Variants in MED13L observed in about 807,000 individuals in gnomAD.
MED13L encodes mediator of RNA polymerase II transcription subunit 13-like.
A neutral mutation model predicts 220.9 loss-of-function variants in MED13L; 7 were observed. The ratio of observed to expected loss-of-function variants is 0.03; its 90% CI spans 0.02 to 0.06. The LOEUF (loss-of-function observed/expected upper bound fraction) is 0.06. Ranked by LOEUF, MED13L falls within the 10% of genes least tolerant of loss-of-function variation. MED13L has a pLI of 1.00. For missense variants in MED13L, 1,965 were observed against 2,760.5 expected, an observed-to-expected ratio of 0.71 and a Z score of 6.46; for synonymous variants, 1,011 against 1,015.2, an observed-to-expected ratio of 1.00 and a Z score of 0.08.
At chr12:116,124,754 A>C (rs1042754187) in intron 2 of MED13L, among the ~76,000 whole-genome samples, 4 of 152,210 alleles carry the variant, frequency 2.6e-5, no homozygotes, top group African/African-American at 9.7e-5. Flanking sequence ...AAAAGTCATA[A>C]GCCACATTAT....
At chr12:116,205,939 CTTGT>C (rs920408500) in intron 2 of MED13L, among the ~76,000 whole-genome samples, 2 of 107,496 alleles carry the variant, frequency 1.9e-5, no homozygotes, top group African/African-American at 8.9e-5. Context: ...TAACTAAAAA[CTTGT>C]TTTTTTTTTT....
chr12:116,119,370 G>A (rs1413940372), intron 2 of MED13L, among the ~76,000 whole-genome samples: 2 of 152,278 alleles, frequency 1.3e-5, no homozygotes, highest in African/African-American at 2.4e-5. Context: ...ACAGCATCTA[G>A]TGCTTGGTGG....
intron 1 of MED13L, among the ~76,000 whole-genome samples, chr12:116,239,657 T>A (rs527892877): frequency 6.6e-6 from 1 of 152,360 alleles, no homozygotes; most frequent in Admixed American, 6.5e-5. Context: ...AACACTGTTA[T>A]TTTCCTGATT....
intron 2 of MED13L, among the ~76,000 whole-genome samples, chr12:116,185,536 T>C (rs1416297119): frequency 2.0e-5 from 3 of 152,128 alleles, no homozygotes; most frequent in African/African-American, 7.2e-5. Flanking sequence ...GAATCCAAAA[T>C]TCCTTAGCAT....
intron 9 of MED13L, among the ~76,000 whole-genome samples, chr12:116,012,146 G>T (rs1879450468): frequency 6.6e-6 from 1 of 152,108 alleles, no homozygotes; most frequent in Non-Finnish European, 1.5e-5. Context: ...AATGAGCTGG[G>T]GGTTAAGACT....
intron 4 of MED13L, among the ~76,000 whole-genome samples, chr12:116,059,805 A>G (rs1012749790): frequency 6.6e-6 from 1 of 152,082 alleles, no homozygotes; most frequent in Non-Finnish European, 1.5e-5. Flanking sequence ...ATTAAATTTA[A>G]TTAATATTTG....
At chr12:115,968,503 C>T (rs566145603) in intron 28 of MED13L, among the ~76,000 whole-genome samples, 1 of 152,210 alleles carries the variant, frequency 6.6e-6, no homozygotes, top group Non-Finnish European at 1.5e-5. Context: ...GCACGGCAGG[C>T]TCCTTTCAGA....
At chr12:116,006,750 T>C (rs1402913650) in intron 11 of MED13L, 1 of 371,266 alleles carries the variant, frequency 2.7e-6, no homozygotes, top group Non-Finnish European at 5.0e-6. Flanking sequence ...GATTTGGCTT[T>C]CTGGGTCTAG....
chr12:116,140,648 A>G (rs1242458174), intron 2 of MED13L, among the ~76,000 whole-genome samples: 1 of 152,224 alleles, frequency 6.6e-6, no homozygotes, highest in Non-Finnish European at 1.5e-5. Flanking sequence ...GGACCCAGAA[A>G]AGTACGTAAT....
intron 1 of MED13L, among the ~76,000 whole-genome samples, chr12:116,266,264 G>T (rs531186962): frequency 6.6e-6 from 1 of 152,158 alleles, no homozygotes. Context: ...CTTGTCTCCA[G>T]GGCTGAGTGA....
intron 2 of MED13L, among the ~76,000 whole-genome samples, chr12:116,215,589 C>G (rs982588051): frequency 1.3e-5 from 2 of 152,116 alleles, no homozygotes; most frequent in African/African-American, 4.8e-5. Context: ...CATAATGCCT[C>G]GCACAGTATC....
At chr12:116,172,536 T>C (rs760261706) in intron 2 of MED13L, among the ~76,000 whole-genome samples, 4 of 152,156 alleles carry the variant, frequency 2.6e-5, no homozygotes, top group Non-Finnish European at 4.4e-5. Context: ...ACAGTTTAAG[T>C]CTCTTTCTAT....
At chr12:116,217,390 A>G (rs1218338230) in intron 2 of MED13L, among the ~76,000 whole-genome samples, 1 of 152,244 alleles carries the variant, frequency 6.6e-6, no homozygotes, top group Non-Finnish European at 1.5e-5. Flanking sequence ...ACCATATTTC[A>G]GACCTGCAAA....
intron 4 of MED13L, among the ~76,000 whole-genome samples, chr12:116,040,453 C>A (rs559389362): frequency 2.6e-5 from 4 of 152,154 alleles, no homozygotes; most frequent in Non-Finnish European, 4.4e-5. Context: ...AATAATCACA[C>A]AATCTATTTT....
intron 28 of MED13L, among the ~76,000 whole-genome samples, chr12:115,967,687 G>A (rs1005801813): frequency 1.3e-5 from 2 of 152,142 alleles, no homozygotes; most frequent in East Asian, 1.9e-4. Context: ...CACAAAGCCC[G>A]TAGGCCCAGA....
At chr12:116,098,584 G>A (rs1486120928) in intron 3 of MED13L, among the ~76,000 whole-genome samples, 1 of 152,050 alleles carries the variant, frequency 6.6e-6, no homozygotes, top group Admixed American at 6.6e-5. Context: ...GTTAGTGAAT[G>A]GTAATAGTTT....
chr12:116,070,396 C>T (rs1400545239), intron 4 of MED13L, among the ~76,000 whole-genome samples: 1 of 152,152 alleles, frequency 6.6e-6, no homozygotes, highest in Non-Finnish European at 1.5e-5. Context: ...TGAACTAGGT[C>T]AAGGCACTCT....
rs1880823146 is a variant in MED13L at position 116,185,503 on chromosome 12, G to A, written c.310+51965C>T. 2.0e-5 allele frequency among the ~76,000 whole-genome samples: 3 copies of A among 151,984 alleles called. No homozygotes were observed. In the South Asian group the frequency reaches 6.2e-4, roughly 31 times the overall value. On this transcript the variant is annotated intron_variant, in intron 2 of 30. Transcript: ENST00000281928. ...CCTGACGAAAATCAACAGGACTGCT[G>A]ACCATGACATTAACAACATGCAGAA...
At chr12:116,254,355 A>G (rs968423705) in intron 1 of MED13L, among the ~76,000 whole-genome samples, 7 of 152,168 alleles carry the variant, frequency 4.6e-5, no homozygotes, top group Non-Finnish European at 7.3e-5. Flanking sequence ...TTACAAAAAA[A>G]GCTACTACAA....
Sources: gnomAD v4.1 joint callset for allele counts (sites outside exome capture counted in the v4.1 genomes callset) on GRCh38, gnomAD v4.1.1 for gene constraint, MANE v1.5 for transcripts, NCBI Gene and HGNC (gene_info 2026-07-23, HGNC 2026-07-21) for gene names.